TACR3: variants seen among roughly 807,000 people sequenced by gnomAD.
TACR3 encodes neuromedin-K receptor.
In TACR3, 34 loss-of-function variants were observed where a neutral mutation model predicts 35.0. That is an observed-to-expected ratio of 0.97 (90% confidence interval 0.74 to 1.30). The LOEUF is 1.30. Among genes scored for constraint, TACR3 ranks in the 50% most tolerant of loss-of-function variants. TACR3 has a pLI of 0.00. For missense variants in TACR3, 558 were observed against 591.7 expected, an observed-to-expected ratio of 0.94 and a Z score of 0.59; for synonymous variants, 233 against 221.1, an observed-to-expected ratio of 1.05 and a Z score of -0.48.
chr4:103,650,506 A>G (rs981911739), intron 3 of TACR3, among the ~76,000 whole-genome samples: 15 of 135,522 alleles, frequency 1.1e-4, no homozygotes, highest in African/African-American at 4.0e-4. Context: ...ATTTATATAT[A>G]TTTATATATA....
In TACR3 at chr4:103,647,585, C is replaced by G. The variant is rs78156395; in HGVS notation, c.888+8609G>C. Among the ~76,000 whole-genome samples the G allele has an allele frequency of 2.7e-3, 404 of 151,938 alleles. 2 individuals are homozygous for G. The highest frequency in any genetic ancestry group is 7.3e-3 in the South Asian group (35 of 4,826). Reference sequence around the variant, plus strand: ...ACCAATTATCATTGAAAAAAATGAACTAAACTTAGCCTAGGCTTTGAGGAT... The same window carrying G: ...ACCAATTATCATTGAAAAAAATGAAGTAAACTTAGCCTAGGCTTTGAGGAT... On this transcript the variant is annotated intron_variant, in intron 3 of 4. Coordinates refer to ENST00000304883, the MANE Select transcript of TACR3 (RefSeq NM_001059.3).
At chr4:103,608,751 A>G (rs536914392) in intron 3 of TACR3, among the ~76,000 whole-genome samples, 2 of 152,078 alleles carry the variant, frequency 1.3e-5, no homozygotes, top group African/African-American at 4.8e-5. Context: ...GGATTCTGCA[A>G]ACTTTGGGGA....
intron 3 of TACR3, among the ~76,000 whole-genome samples, chr4:103,636,096 T>C (rs1725181754): frequency 1.3e-5 from 2 of 152,000 alleles, no homozygotes. Context: ...TTTAACAATG[T>C]ATTTAGAGTT....
At chr4:103,614,973 C>A (rs1724608660) in intron 3 of TACR3, among the ~76,000 whole-genome samples, 1 of 140,788 alleles carries the variant, frequency 7.1e-6, no homozygotes, top group South Asian at 2.3e-4. Context: ...CCGCTCACTG[C>A]AAGCTCCGCC....
intron 1 of TACR3, among the ~76,000 whole-genome samples, chr4:103,703,986 C>A (rs1272282291): frequency 1.3e-5 from 2 of 151,568 alleles, no homozygotes; most frequent in African/African-American, 4.8e-5. Context: ...CGCCTCTAGT[C>A]CCAGCTATGC....
chr4:103,589,882 T>C lies in TACR3; in HGVS notation c.1198A>G (p.Met400Val), dbSNP rs140096030. The change falls in exon 5 of 5, where the codon ATG (methionine) becomes GTG (valine). Residue 400 changes from methionine to valine, a missense_variant. By Grantham distance (21) the Met-to-Val change is conservative. Transcript: ENST00000304883. Reference protein sequence around the residue: ...TRFHPNRQSSMYTVTRMESMT... With the variant: ...TRFHPNRQSSVYTVTRMESMT... ...GACTCCATTCTGGTCACGGTGTACA[T>C]ACTGCTTTGCCGGTTTGGATGAAAC... The C allele has an allele frequency of 6.2e-7, 1 of 1,613,978 alleles. No homozygotes were observed. The highest frequency in any genetic ancestry group is 8.5e-7 in the Non-Finnish European group (1 of 1,179,886).
chr4:103,619,206 T>C (rs1410719415), intron 3 of TACR3, among the ~76,000 whole-genome samples: 1 of 152,134 alleles, frequency 6.6e-6, no homozygotes, highest in Non-Finnish European at 1.5e-5. Context: ...CCTATTTTTT[T>C]TTTGACGGAG....
rs1404524359 is a variant in TACR3, at chr4:103,719,868, CT to C, written c.-194del. 6.0e-6 allele frequency: 4 copies of C among 669,918 alleles called. No homozygotes were observed. The Admixed American group carries it at 1.2e-4, about 20-fold the overall frequency. 41.5% of individuals were successfully genotyped at this position (669,918 alleles called of 1,614,324 possible). On this transcript the variant is annotated 5_prime_UTR_variant, in exon 1 of 5. Transcript: ENST00000304883. ...GGCTAAGGGGCAACAGCTGCACTTT[CT>C]CAGAGGCGCTTGCGGCTCTGGCAGG...
At chr4:103,636,975 C>A (rs1392392412) in intron 3 of TACR3, among the ~76,000 whole-genome samples, 1 of 152,048 alleles carries the variant, frequency 6.6e-6, no homozygotes, top group Non-Finnish European at 1.5e-5. Context: ...AAGTCCAGGA[C>A]CAGATGGATT....
intron 1 of TACR3, among the ~76,000 whole-genome samples, chr4:103,681,097 T>C (rs563704531): frequency 2.0e-4 from 30 of 152,074 alleles, no homozygotes; most frequent in Admixed American, 3.9e-4. Context: ...ACTCAACAGA[T>C]TTGCTTGTTT....
chr4:103,656,377 C>G, intron 2 of TACR3, 33 bp from the exon 3 acceptor site: 1 of 1,603,968 alleles, frequency 6.2e-7, no homozygotes, highest in Non-Finnish European at 8.5e-7. Context: ...ATGCTGAAGA[C>G]CTTATTGGAA....
At chr4:103,640,209 C>G (rs1195927329) in intron 3 of TACR3, among the ~76,000 whole-genome samples, 8 of 152,070 alleles carry the variant, frequency 5.3e-5, no homozygotes, top group Non-Finnish European at 1.2e-4. Context: ...CTGTCTGACT[C>G]TGTAGTTTAT....
At chr4:103,717,380 A>G (rs968830040) in intron 1 of TACR3, among the ~76,000 whole-genome samples, 16 of 152,236 alleles carry the variant, frequency 1.1e-4, no homozygotes, top group African/African-American at 3.9e-4. Flanking sequence ...AATGCTTTAC[A>G]CAAAGAAATA....
At chr4:103,685,668 T>C (rs1722211796) in intron 1 of TACR3, among the ~76,000 whole-genome samples, 3 of 152,146 alleles carry the variant, frequency 2.0e-5, no homozygotes, top group Admixed American at 6.6e-5. Flanking sequence ...CAATAGAGTA[T>C]ACTCTCAGAA....
intron 3 of TACR3, among the ~76,000 whole-genome samples, chr4:103,605,962 T>C (rs1265655942): frequency 6.6e-6 from 1 of 151,006 alleles, no homozygotes; most frequent in Non-Finnish European, 1.5e-5. Context: ...TTTTAGGTCG[T>C]ACGTTTAAGT....
At chr4:103,618,984 G>T (rs1356370295) in intron 3 of TACR3, among the ~76,000 whole-genome samples, 1 of 152,136 alleles carries the variant, frequency 6.6e-6, no homozygotes, top group Admixed American at 6.5e-5. Context: ...AATTCTAGGA[G>T]CCTTTTGGCA....
At chr4:103,707,275 T>G (rs1305702709) in intron 1 of TACR3, among the ~76,000 whole-genome samples, 1 of 151,518 alleles carries the variant, frequency 6.6e-6, no homozygotes, top group African/African-American at 2.4e-5. Context: ...TACATACTTT[T>G]TTGTATAATT....
intron 3 of TACR3, among the ~76,000 whole-genome samples, chr4:103,640,982 C>G (rs1725343721): frequency 6.6e-6 from 1 of 151,928 alleles, no homozygotes; most frequent in African/African-American, 2.4e-5. Flanking sequence ...ATTATTCAGA[C>G]AAATGTCATA....
chr4:103,712,424 T>G (rs1043510852), intron 1 of TACR3, among the ~76,000 whole-genome samples: 18 of 152,198 alleles, frequency 1.2e-4, no homozygotes, highest in African/African-American at 4.1e-4. Context: ...TAGCCATATG[T>G]AGAAAGCTGA....
Sources: gnomAD v4.1 joint callset for allele counts (sites outside exome capture counted in the v4.1 genomes callset) on GRCh38, gnomAD v4.1.1 for gene constraint, MANE v1.5 for transcripts, NCBI Gene and HGNC (gene_info 2026-07-23, HGNC 2026-07-21) for gene names.